Variants in POT1 observed in about 807,000 individuals in gnomAD.
POT1 encodes protection of telomeres protein 1.
In POT1, 47 loss-of-function variants were observed where a neutral mutation model predicts 78.5. The ratio of observed to expected loss-of-function variants is 0.60; its 90% CI spans 0.47 to 0.76. POT1 has a LOEUF of 0.76. Ranked by LOEUF, POT1 falls within the 30% of genes least tolerant of loss-of-function variation. The pLI is 0.00. For synonymous variants in POT1, 259 were observed against 260.7 expected (o/e 0.99, Z 0.06); for missense variants, 646 against 749.9 (o/e 0.86, Z 1.62).
intron 7 of POT1, among the ~76,000 whole-genome samples, chr7:124,867,926 G>A (rs1357951202): frequency 2.0e-5 from 3 of 152,024 alleles, no homozygotes; most frequent in Non-Finnish European, 2.9e-5. Context: ...GATTATAGGC[G>A]TGAGCCACCA....
At chr7:124,867,118 A>G (rs186286843) in intron 7 of POT1, among the ~76,000 whole-genome samples, 13 of 152,270 alleles carry the variant, frequency 8.5e-5, no homozygotes, top group East Asian at 1.9e-4. Flanking sequence ...GCTTTCACAT[A>G]TCATTTATGA....
chr7:124,912,883 C>G (rs866090721), intron 3 of POT1, among the ~76,000 whole-genome samples: 25 of 152,138 alleles, frequency 1.6e-4, no homozygotes, highest in African/African-American at 6.0e-4. Flanking sequence ...AATGCCAGGA[C>G]CACTGTATTA....
chr7:124,871,727 T>C (rs1562997638), intron 6 of POT1, among the ~76,000 whole-genome samples: 1 of 104,388 alleles, frequency 9.6e-6, no homozygotes, highest in African/African-American at 3.6e-5. Flanking sequence ...GATCCTGCCT[T>C]AAAATTTTTT....
intron 12 of POT1, among the ~76,000 whole-genome samples, chr7:124,844,825 A>C (rs932951179): frequency 1.3e-5 from 2 of 151,800 alleles, no homozygotes; most frequent in Non-Finnish European, 2.9e-5. Flanking sequence ...CTTCAAACTC[A>C]TATTTTAACC....
In POT1 at chr7:124,841,059, T is replaced by C. The variant is rs747149913; in HGVS notation, c.1283A>G (p.Asn428Ser). 28 of 1,612,660 alleles carry C rather than the reference T, an allele frequency of 1.7e-5. No homozygotes were observed. The East Asian group carries it at 6.0e-4, about 35-fold the overall frequency. The change falls in exon 14 of 19, where the codon AAT becomes AGT. Residue 428 changes from asparagine (N) to serine (S), a missense_variant. This residue lies in a region of POT1 where 394 missense variants were observed against 408.4 expected (regional missense o/e 0.96). Transcript: ENST00000357628. Reference protein sequence around the residue: ...LYDSKIWTTKNQKGRKVAVHF... With the variant: ...LYDSKIWTTKSQKGRKVAVHF... Reference sequence around the variant, plus strand: ...AACTGCTACTTTTCGTCCTTTTTGATTTTTAGTGGTCCAGATTTTTGAATC... The same window carrying C: ...AACTGCTACTTTTCGTCCTTTTTGACTTTTAGTGGTCCAGATTTTTGAATC...
chr7:124,879,023 T>G (rs1359007315), intron 6 of POT1, among the ~76,000 whole-genome samples: 3 of 152,038 alleles, frequency 2.0e-5, no homozygotes, highest in East Asian at 1.9e-4. Context: ...GATTAAAAAT[T>G]TAAAAGGAAT....
At chr7:124,907,059 C>A (rs1563016847) in intron 3 of POT1, among the ~76,000 whole-genome samples, 2 of 151,918 alleles carry the variant, frequency 1.3e-5, no homozygotes, top group African/African-American at 4.8e-5. Context: ...ATGTTTAACT[C>A]AATTGGGTGA....
intron 15 of POT1, among the ~76,000 whole-genome samples, chr7:124,830,561 T>A (rs1794735925): frequency 6.6e-6 from 1 of 152,018 alleles, no homozygotes; most frequent in Admixed American, 6.6e-5. Flanking sequence ...GTATAAAAAT[T>A]AAAAATTAAG....
intron 8 of POT1, among the ~76,000 whole-genome samples, chr7:124,859,496 CA>C (rs1313800275): frequency 1.3e-5 from 2 of 151,994 alleles, no homozygotes; most frequent in Non-Finnish European, 2.9e-5. Context: ...ATACATTTGA[CA>C]TTAATCAAAT....
intron 5 of POT1, among the ~76,000 whole-genome samples, chr7:124,894,040 G>C (rs975245863): frequency 2.6e-5 from 4 of 151,488 alleles, no homozygotes; most frequent in Non-Finnish European, 5.9e-5. Context: ...GGTTTACAAG[G>C]ACATGTTTGC....
chr7:124,851,359 C>A (rs1795301929), intron 11 of POT1, among the ~76,000 whole-genome samples: 1 of 152,052 alleles, frequency 6.6e-6, no homozygotes, highest in Non-Finnish European at 1.5e-5. Context: ...AAACAATGCA[C>A]ACTGAAAGCT....
chr7:124,915,688 G>C (rs1231664889), intron 2 of POT1, 42 bp from the exon 3 acceptor site: 4 of 151,992 alleles, frequency 2.6e-5, no homozygotes, highest in Non-Finnish European at 5.9e-5. Context: ...GGAGTCAAAG[G>C]AGTTTATAAT....
chr7:124,877,205 G>T (rs1382131492), intron 6 of POT1, among the ~76,000 whole-genome samples: 3 of 152,116 alleles, frequency 2.0e-5, no homozygotes, highest in Non-Finnish European at 4.4e-5. Flanking sequence ...CAACATGACT[G>T]GGGTTACTAA....
chr7:124,853,855 G>A (rs1245589254), intron 9 of POT1, among the ~76,000 whole-genome samples: 2 of 152,008 alleles, frequency 1.3e-5, no homozygotes, highest in Non-Finnish European at 2.9e-5. Flanking sequence ...GATTTCAAAT[G>A]AGAGAGATGC....
intron 8 of POT1, among the ~76,000 whole-genome samples, chr7:124,861,360 T>C (rs2116534757): frequency 6.6e-6 from 1 of 152,340 alleles, no homozygotes; most frequent in Middle Eastern, 3.4e-3. Flanking sequence ...GACCAGTGAT[T>C]ATGAACTTCT....
chr7:124,889,259 GC>G (rs1272195026), intron 6 of POT1, among the ~76,000 whole-genome samples: 1 of 152,024 alleles, frequency 6.6e-6, no homozygotes, highest in Non-Finnish European at 1.5e-5. Context: ...ATTCCCTTAA[GC>G]CAAAGCCTAA....
At chr7:124,886,036 A>G (rs568227399) in intron 6 of POT1, among the ~76,000 whole-genome samples, 2 of 152,322 alleles carry the variant, frequency 1.3e-5, no homozygotes, top group South Asian at 4.1e-4. Flanking sequence ...TTCTACCAGA[A>G]TAGGATTTCT....
intron 8 of POT1, among the ~76,000 whole-genome samples, chr7:124,859,411 C>T (rs1795529880): frequency 6.6e-6 from 1 of 151,996 alleles, no homozygotes; most frequent in Admixed American, 6.6e-5. Context: ...TTGAAAAACA[C>T]TCATATGTAT....
intron 5 of POT1, among the ~76,000 whole-genome samples, chr7:124,894,747 T>TA (rs1479699107): frequency 3.3e-5 from 5 of 151,454 alleles, no homozygotes; most frequent in Admixed American, 6.6e-5. Context: ...TTGTATTCCA[T>TA]AAAAAAGGAC....
Sources: gnomAD v4.1 joint callset for allele counts (sites outside exome capture counted in the v4.1 genomes callset) on GRCh38, gnomAD v4.1.1 for gene constraint, gnomAD v4.1.1 regional missense constraint, MANE v1.5 for transcripts, NCBI Gene and HGNC (gene_info 2026-07-23, HGNC 2026-07-21) for gene names.